CRPPA: variants seen among roughly 807,000 people sequenced by gnomAD.
CRPPA encodes CDP-L-ribitol pyrophosphorylase A.
A neutral mutation model predicts 52.0 loss-of-function variants in CRPPA; 43 were observed. The ratio of observed to expected loss-of-function variants is 0.83; its 90% CI spans 0.65 to 1.07. The LOEUF (loss-of-function observed/expected upper bound fraction) is 1.07, where lower values mean the gene tolerates loss of function less well. Among genes scored for constraint, CRPPA ranks in the 50% least tolerant of loss-of-function variants. The pLI is 0.00. For synonymous variants in CRPPA, 250 were observed against 203.5 expected, an observed-to-expected ratio of 1.23 and a Z score of -1.94; for missense variants, 629 against 551.7, an observed-to-expected ratio of 1.14 and a Z score of -1.40.
intron 5 of CRPPA, among the ~76,000 whole-genome samples, chr7:16,285,479 G>A (rs1236297522): frequency 6.6e-6 from 1 of 151,996 alleles, no homozygotes; most frequent in Non-Finnish European, 1.5e-5. Flanking sequence ...AACAAGTAAG[G>A]TGCCCCCAAA....
chr7:16,174,430 G>T (rs1358824942), intron 9 of CRPPA, among the ~76,000 whole-genome samples: 1 of 152,128 alleles, frequency 6.6e-6, no homozygotes, highest in African/African-American at 2.4e-5. Flanking sequence ...AACGAGATTG[G>T]CTGTATTCTA....
intron 8 of CRPPA, among the ~76,000 whole-genome samples, chr7:16,221,244 G>A (rs1782491284): frequency 1.3e-5 from 2 of 152,200 alleles, no homozygotes; most frequent in African/African-American, 4.8e-5. Context: ...CTAGCCATAT[G>A]TAGAAAGCTG....
chr7:16,331,529 A>G (rs537322485), intron 3 of CRPPA, among the ~76,000 whole-genome samples: 111 of 152,370 alleles, frequency 7.3e-4, no homozygotes, highest in African/African-American at 2.6e-3. Flanking sequence ...AGAACCACAC[A>G]GCAAGAATGT....
Position 16,232,858 on chromosome 7 carries a change from G to A in CRPPA, c.1120-16661C>T, listed in dbSNP as rs570862970. ...CTTTTAAAAAGCAGAAAATATGGCC[G>A]ATTATGAGGAGAAAAATCAAACAAA... On this transcript the variant is annotated intron_variant, in intron 8 of 9. Coordinates refer to ENST00000407010, the MANE Select transcript of CRPPA (RefSeq NM_001101426.4). Among the ~76,000 whole-genome samples the A allele has an allele frequency of 4.6e-5, 7 of 152,078 alleles. No individual in the cohort carries two copies. In the East Asian group the frequency reaches 7.7e-4, roughly 17 times the overall value.
intron 3 of CRPPA, among the ~76,000 whole-genome samples, chr7:16,336,981 C>A (rs1364940410): frequency 6.6e-6 from 1 of 152,036 alleles, no homozygotes; most frequent in Non-Finnish European, 1.5e-5. Context: ...TAAATACATA[C>A]AGCAATTATG....
At chr7:16,357,360 G>A (rs1320366339) in intron 3 of CRPPA, among the ~76,000 whole-genome samples, 3 of 151,966 alleles carry the variant, frequency 2.0e-5, no homozygotes, top group African/African-American at 2.4e-5. Context: ...TGTAGTTTTA[G>A]TGGATACAGG....
rs571785000 is a variant in CRPPA at position 16,215,254 on chromosome 7, G to C, written c.1251+812C>G. On this transcript the variant is annotated intron_variant, in intron 9 of 9. Transcript: ENST00000407010. ...TTTGAGACCACTAAAAATAGCAGTG[G>C]ACCGTTCAACTTGCTAGACTCTTGT... Among the ~76,000 whole-genome samples, 4 of 152,212 alleles carry C rather than the reference G, an allele frequency of 2.6e-5. No individual in the cohort carries two copies. The South Asian group carries it at 8.3e-4, about 32-fold the overall frequency.
rs368521163 is a variant in CRPPA, at chr7:16,342,763, CAAAAAAAAAAA to C, written c.684+33318_684+33328del. 2.0e-3 allele frequency among the ~76,000 whole-genome samples: 130 copies of C among 64,926 alleles called. 8 individuals carry two copies. The highest frequency in any genetic ancestry group is 6.4e-3 in the East Asian group (9 of 1,408). 42.6% of individuals were successfully genotyped at this position (64,926 alleles called of 152,430 possible). ...GGCAACAGGATGAACCCTGTCTCCACAAAAAAAAAAAAAAAAAAAATATATATATATATATC... is the reference window on the plus strand; with the variant it reads ...GGCAACAGGATGAACCCTGTCTCCACAAAAAAAAATATATATATATATATC... On this transcript the variant is annotated intron_variant, in intron 3 of 9. Coordinates refer to ENST00000407010, the MANE Select transcript of CRPPA (RefSeq NM_001101426.4).
chr7:16,167,382 C>A (rs1781090452), intron 9 of CRPPA, among the ~76,000 whole-genome samples: 1 of 152,186 alleles, frequency 6.6e-6, no homozygotes, highest in Non-Finnish European at 1.5e-5. Context: ...AAATCTCATA[C>A]TTTCTTTGGA....
intron 1 of CRPPA, among the ~76,000 whole-genome samples, chr7:16,409,115 T>C (rs978855675): frequency 1.4e-4 from 22 of 152,192 alleles, no homozygotes; most frequent in Non-Finnish European, 7.3e-5. Flanking sequence ...CTGGCCAGGC[T>C]GGTCTCTAAC....
chr7:16,148,552 A>C (rs1783017611), intron 9 of CRPPA, among the ~76,000 whole-genome samples: 2 of 152,108 alleles, frequency 1.3e-5, no homozygotes, highest in South Asian at 4.1e-4. Flanking sequence ...AGGAAAAACT[A>C]TATGCTCTCA....
chr7:16,416,853 T>C (rs924032781), intron 1 of CRPPA, among the ~76,000 whole-genome samples: 5 of 151,270 alleles, frequency 3.3e-5, no homozygotes, highest in South Asian at 2.1e-4. Flanking sequence ...AAAAAAACAA[T>C]AGAGCTTCTG....
chr7:16,392,245 C>T (rs1385614808), intron 2 of CRPPA, among the ~76,000 whole-genome samples: 1 of 152,140 alleles, frequency 6.6e-6, no homozygotes, highest in Non-Finnish European at 1.5e-5. Flanking sequence ...TCTCAATAGC[C>T]ATCATACCCC....
At chr7:16,351,721 T>G (rs1786158913) in intron 3 of CRPPA, among the ~76,000 whole-genome samples, 1 of 152,172 alleles carries the variant, frequency 6.6e-6, no homozygotes, top group Non-Finnish European at 1.5e-5. Flanking sequence ...AGATACCATC[T>G]CATGCCAGTT....
chr7:16,230,383 C>A (rs2128402749), intron 8 of CRPPA, among the ~76,000 whole-genome samples: 1 of 152,090 alleles, frequency 6.6e-6, no homozygotes, highest in East Asian at 1.9e-4. Flanking sequence ...TGTGCTTGGC[C>A]AATTCTGCTG....
At chr7:16,347,574 A>T (rs1375644426) in intron 3 of CRPPA, among the ~76,000 whole-genome samples, 1 of 152,154 alleles carries the variant, frequency 6.6e-6, no homozygotes, top group South Asian at 2.1e-4. Context: ...ATGGCAGAAC[A>T]GGAGGCTCCA....
intron 9 of CRPPA, among the ~76,000 whole-genome samples, chr7:16,137,737 T>C (rs1451761351): frequency 6.6e-6 from 1 of 152,200 alleles, no homozygotes; most frequent in Non-Finnish European, 1.5e-5. Context: ...AATATTTTGA[T>C]GGTTTTGTTT....
rs548329966 is a variant in CRPPA, at chr7:16,149,783, TG to T, written c.1252-57985del. On this transcript the variant is annotated intron_variant, in intron 9 of 9. Transcript: ENST00000407010. ...AGCAGACTGCCTAAGCTCAGGAGTT[TG>T]CGACCAGCCTGGGCAACACGGTGAA... is the stretch of plus-strand genomic sequence containing the variant. Among the ~76,000 whole-genome samples the T allele has an allele frequency of 7.0e-4, 107 of 152,206 alleles. 4 individuals are homozygous for T. The South Asian group carries it at 0.022, about 31-fold the overall frequency.
intron 9 of CRPPA, among the ~76,000 whole-genome samples, chr7:16,212,911 T>G (rs1028015593): frequency 6.6e-6 from 1 of 152,202 alleles, no homozygotes; most frequent in African/African-American, 2.4e-5. Context: ...ACTTTGAACC[T>G]ATGTGCTTCT....
Sources: gnomAD v4.1 joint callset for allele counts (sites outside exome capture counted in the v4.1 genomes callset) on GRCh38, gnomAD v4.1.1 for gene constraint, MANE v1.5 for transcripts, NCBI Gene and HGNC (gene_info 2026-07-23, HGNC 2026-07-21) for gene names.